NMRK2: variants seen among roughly 807,000 people sequenced by gnomAD.
The protein encoded by NMRK2 is NRK 2.
Under a neutral mutation model 24.7 loss-of-function variants are expected in NMRK2, and 34 were observed. The observed-to-expected ratio is 1.37, with a 90% CI of 1.05 to 1.83. The LOEUF (loss-of-function observed/expected upper bound fraction) is 1.83, where lower values mean the gene tolerates loss of function less well. Ranked by LOEUF, NMRK2 falls within the 40% of genes most tolerant of loss-of-function variation. The probability of loss-of-function intolerance (pLI) is 0.00; values close to 1 mark genes in which losing one functional copy is unlikely to be tolerated. For synonymous variants in NMRK2, 145 were observed against 125.6 expected (o/e 1.15, Z -1.03); for missense variants, 341 against 315.0 (o/e 1.08, Z -0.62).
chr19:3,934,589 G>C (rs543863611), intron 2 of NMRK2, among the ~76,000 whole-genome samples: 6 of 149,206 alleles, frequency 4.0e-5, no homozygotes, highest in African/African-American at 1.5e-4. Flanking sequence ...TGTTGTTGCC[G>C]TCGTAGTTTG....
intron 1 of NMRK2, 137 bp downstream of exon 1, chr19:3,933,315 G>T: frequency 3.1e-6 from 1 of 318,586 alleles, no homozygotes; most frequent in Non-Finnish European, 5.8e-6. Context: ...GAGGAGGGAA[G>T]AGGGTGGGGG....
At chr19:3,934,895 C>T (rs1212674036) in intron 2 of NMRK2, among the ~76,000 whole-genome samples, 3 of 151,996 alleles carry the variant, frequency 2.0e-5, no homozygotes, top group East Asian at 1.9e-4. Context: ...TAATATTTTT[C>T]GAGTAAGAAG....
At position 3,942,264 on chromosome 19, in the gene NMRK2, C is replaced by T. The variant is rs758999064; in HGVS notation, c.684C>T (p.Asp228=). Reference sequence around the variant, plus strand: ...CCAGGCCTGCAGCGTCCCAGCAGGACAGCATGTGAGCGTTTCCCTATGGGG... The same window carrying T: ...CCAGGCCTGCAGCGTCCCAGCAGGATAGCATGTGAGCGTTTCCCTATGGGG... ...RTARPAASQQ[D]SM is the part of the protein sequence containing the mutation. Residue 228 remains aspartate, a synonymous_variant, in exon 8 of 8, where the codon GAC becomes GAT. Coordinates refer to ENST00000168977, the MANE Select transcript of NMRK2 (RefSeq NM_170678.3). 7 of 1,607,944 alleles carry T rather than the reference C, an allele frequency of 4.4e-6. No homozygotes were observed. The highest frequency in any genetic ancestry group is 2.2e-5 in the South Asian group (2 of 90,458).
intron 2 of NMRK2, 137 bp from the exon 3 acceptor site, chr19:3,936,438 T>C (rs1599160000): frequency 3.6e-6 from 2 of 560,074 alleles, no homozygotes; most frequent in South Asian, 2.4e-5. Context: ...AGAAAAATCC[T>C]GGGAGCTGAT....
In NMRK2 at chr19:3,938,828, T is replaced by G. The variant is rs1599163116; in HGVS notation, c.323+69T>G. 9 of 565,854 alleles carry G rather than the reference T, an allele frequency of 1.6e-5. No individual in the cohort carries two copies. In the East Asian group the frequency reaches 3.5e-4, roughly 22 times the overall value. The allele number at this position is 565,854 out of a possible 1,614,324, so 35.1% of individuals were successfully genotyped here. ...GCGGGTATAGCCATCTCTTGTTTTT[T>G]TTTTTTTTTTTTTTTGTTTTGTTTT... On this transcript the variant is annotated intron_variant, in intron 5 of 7. Transcript: ENST00000168977.
rs2039219830 is a variant in NMRK2, at chr19:3,936,680, C to T, written c.117+15C>T. The T allele has an allele frequency of 1.3e-6, 2 of 1,546,362 alleles. No homozygotes were observed. Among genetic ancestry groups the T allele is most frequent in the African/African-American group, 1.4e-5 (1 of 73,152 alleles). ...ACTTCTTCAAGGTGCCCGCCCTTGCCCGGGGAGGTGGAGCTGAGAGGGGAT... is the reference window on the plus strand; with the variant it reads ...ACTTCTTCAAGGTGCCCGCCCTTGCTCGGGGAGGTGGAGCTGAGAGGGGAT... On this transcript the variant is annotated intron_variant, in intron 3 of 7. Coordinates refer to ENST00000168977, the MANE Select transcript of NMRK2 (RefSeq NM_170678.3).
At chr19:3,936,734 C>T in intron 3 of NMRK2, 69 bp downstream of exon 3, 1 of 1,344,376 alleles carries the variant, frequency 7.4e-7, no homozygotes, top group Non-Finnish European at 1.0e-6. Flanking sequence ...CCCGGCCAGC[C>T]CCGCCCTCCA....
intron 2 of NMRK2, among the ~76,000 whole-genome samples, chr19:3,936,362 C>G (rs754540141): frequency 1.3e-5 from 2 of 151,802 alleles, no homozygotes. Flanking sequence ...GAGCTGAGAT[C>G]GCGCCACTGC....
chr19:3,942,257 A>C lies in NMRK2; in HGVS notation c.677A>C (p.Gln226Pro). Residue 226 changes from glutamine (Q) to proline (P), a missense_variant, in exon 8 of 8, where the codon CAG (glutamine) becomes CCG (proline). Gln to Pro is a moderately conservative substitution (Grantham distance 76). Transcript: ENST00000168977. The part of the protein sequence containing the change: ...GHRTARPAAS[Q>P]QDSM ...AGAACGGCCAGGCCTGCAGCGTCCC[A>C]GCAGGACAGCATGTGAGCGTTTCCC... The C allele has an allele frequency of 1.2e-6, 2 of 1,609,654 alleles. No homozygotes were observed. Among genetic ancestry groups the C allele is most frequent in the Non-Finnish European group, 1.7e-6 (2 of 1,178,746 alleles).
chr19:3,939,794 C>A, intron 5 of NMRK2, 106 bp from the exon 6 acceptor site: 1 of 941,684 alleles, frequency 1.1e-6, no homozygotes, highest in Non-Finnish European at 1.7e-6. Flanking sequence ...CAGACCACCC[C>A]ATGTGCTCGC....
Position 3,933,566 on chromosome 19 carries a change from C to A in NMRK2, c.-106C>A. ...TCCAGGCTGCCGAGACCTATAAAGG[C>A]GCCAGGTTTTCTCAATGAAGCCGGG... On this transcript the variant is annotated 5_prime_UTR_variant, in exon 2 of 8. Transcript: ENST00000168977. 8 of 1,379,102 alleles carry A rather than the reference C, an allele frequency of 5.8e-6. No homozygotes were observed. Among genetic ancestry groups the A allele is most frequent in the Non-Finnish European group, 7.8e-6 (8 of 1,026,592 alleles). The allele number at this position is 1,379,102 out of a possible 1,614,324, so 85.4% of individuals were successfully genotyped here.
intron 1 of NMRK2, 86 bp from the exon 2 acceptor site, chr19:3,933,372 G>A (rs372786076): frequency 8.8e-6 from 4 of 454,146 alleles, no homozygotes; most frequent in African/African-American, 4.2e-5. Flanking sequence ...AGGGGAGGAG[G>A]GAGTGGAGAG....
At chr19:3,933,967 AC>A (rs894599823) in intron 2 of NMRK2, among the ~76,000 whole-genome samples, 1 of 150,906 alleles carries the variant, frequency 6.6e-6, no homozygotes, top group African/African-American at 2.4e-5. Context: ...AAAAAAATAG[AC>A]CAGACACGGT....
At position 3,936,598 on chromosome 19, in the gene NMRK2, C is replaced by T. The variant is rs955358619; in HGVS notation, c.50C>T (p.Thr17Met). The T allele has an allele frequency of 4.5e-6, 7 of 1,566,632 alleles. No homozygotes were observed. The highest frequency in any genetic ancestry group is 2.6e-6 in the Non-Finnish European group (3 of 1,157,064). ...IGGMTNGGKT[T>M]LTNSLLRALP... ...AGCATGACCAACGGCGGCAAGACCA[C>T]GCTGACCAACAGCCTGCTCAGAGCC... Residue 17 changes from threonine to methionine, a missense_variant, in exon 3 of 8, where the codon ACG becomes ATG. Thr to Met is a moderately conservative substitution (Grantham distance 81). Transcript: ENST00000168977.
At chr19:3,939,002 C>T (rs1295174056) in intron 5 of NMRK2, among the ~76,000 whole-genome samples, 2 of 151,820 alleles carry the variant, frequency 1.3e-5, no homozygotes, top group South Asian at 4.2e-4. Context: ...CCTGCGCCAT[C>T]ACACCCGGCT....
At chr19:3,937,073 C>T (rs1256511879) in intron 3 of NMRK2, among the ~76,000 whole-genome samples, 167 bp from the exon 4 acceptor site, 1 of 151,954 alleles carries the variant, frequency 6.6e-6, no homozygotes, top group Non-Finnish European at 1.5e-5. Context: ...GGGGTGAGGG[C>T]TAATGAGATG....
In NMRK2 at chr19:3,937,327, G is replaced by A. The variant is rs757249632; in HGVS notation, c.166+39G>A. ...TCACCTCCAAGCCCCACTATCCCCCGGGGTCCGCCCTCCTGCAATGCCCGC... is the reference window on the plus strand; with the variant it reads ...TCACCTCCAAGCCCCACTATCCCCCAGGGTCCGCCCTCCTGCAATGCCCGC... On this transcript the variant is annotated intron_variant, in intron 4 of 7. Transcript: ENST00000168977. 12 of 1,587,350 alleles carry A rather than the reference G, an allele frequency of 7.6e-6. No individual in the cohort carries two copies. In the East Asian group the frequency reaches 1.6e-4, roughly 21 times the overall value.
intron 2 of NMRK2, among the ~76,000 whole-genome samples, chr19:3,934,275 T>A (rs1034888565): frequency 1.3e-5 from 2 of 151,904 alleles, no homozygotes; most frequent in Non-Finnish European, 2.9e-5. Flanking sequence ...GACAGAAAAT[T>A]AACTAAAGCT....
chr19:3,934,014 G>A (rs1343022040), intron 2 of NMRK2, among the ~76,000 whole-genome samples: 3 of 152,084 alleles, frequency 2.0e-5, no homozygotes, highest in South Asian at 2.1e-4. Flanking sequence ...TTGGGAGGCC[G>A]AGGCGGGTGG....
Sources: allele counts gnomAD v4.1 joint callset (sites outside exome capture counted in the v4.1 genomes callset), GRCh38; gene constraint gnomAD v4.1.1; transcripts MANE v1.5; gene names NCBI Gene and HGNC (gene_info 2026-07-23, HGNC 2026-07-21).